The following SFXN5 variants were observed in gnomAD, a reference collection of about 807,000 sequenced individuals.
The protein encoded by SFXN5 is sideroflexin-5.
Under a neutral mutation model 50.2 loss-of-function variants are expected in SFXN5, and 43 were observed. The ratio of observed to expected loss-of-function variants is 0.86; its 90% CI spans 0.67 to 1.11. SFXN5 has a LOEUF of 1.11. SFXN5 is among the 50% of genes least tolerant of loss of function. The pLI is 0.00. For synonymous variants in SFXN5, 203 were observed against 185.8 expected, an observed-to-expected ratio of 1.09 and a Z score of -0.75; for missense variants, 463 against 454.1, an observed-to-expected ratio of 1.02 and a Z score of -0.18.
rs78551426 is a variant in SFXN5, at chr2:73,038,535, G to T, written c.249+2319C>A. On this transcript the variant is annotated intron_variant, in intron 3 of 13. Coordinates refer to ENST00000272433, the MANE Select transcript of SFXN5 (RefSeq NM_144579.3). The stretch of plus-strand genomic sequence containing the variant: ...GGTGTGTTACTCAGGAGGCTGAGGT[G>T]GGAGGAACACTTAAGCCTGAGAGTT... Among the ~76,000 whole-genome samples the T allele has an allele frequency of 4.3e-4, 65 of 152,242 alleles. 1 individual carries two copies. The East Asian group carries it at 0.012, about 28-fold the overall frequency.
At chr2:72,977,296 C>T (rs2105491859) in intron 10 of SFXN5, among the ~76,000 whole-genome samples, 1 of 152,256 alleles carries the variant, frequency 6.6e-6, no homozygotes, top group South Asian at 2.1e-4. Context: ...TTATTTAAAC[C>T]CTCAACAGTT....
chr2:73,064,422 T>C (rs897081792), intron 1 of SFXN5, among the ~76,000 whole-genome samples: 1 of 152,182 alleles, frequency 6.6e-6, no homozygotes. Flanking sequence ...CTGCCCAGTG[T>C]GACTCTTGGA....
intron 2 of SFXN5, chr2:73,041,685 C>A: frequency 2.6e-6 from 1 of 385,004 alleles, no homozygotes; most frequent in Non-Finnish European, 5.3e-6. Context: ...AAATAGAAAG[C>A]CTTTATAAGG....
At chr2:73,024,465 C>T (rs2105847148) in intron 3 of SFXN5, among the ~76,000 whole-genome samples, 1 of 152,256 alleles carries the variant, frequency 6.6e-6, no homozygotes, top group Admixed American at 6.5e-5. Context: ...CCACCCTGGG[C>T]AACAAAGGGA....
chr2:73,048,759 A>G (rs1291842497), intron 2 of SFXN5, among the ~76,000 whole-genome samples: 2 of 152,248 alleles, frequency 1.3e-5, no homozygotes, highest in African/African-American at 4.8e-5. Flanking sequence ...CATTGCAATT[A>G]ATATCCTTGT....
intron 5 of SFXN5, 126 bp downstream of exon 5, chr2:73,022,396 C>A: frequency 1.3e-6 from 1 of 742,490 alleles, no homozygotes; most frequent in Non-Finnish European, 2.4e-6. Flanking sequence ...TGTAGAGGTG[C>A]AAATATGGCC....
intron 2 of SFXN5, among the ~76,000 whole-genome samples, chr2:73,050,431 G>C (rs2105979059): frequency 9.2e-6 from 1 of 108,730 alleles, no homozygotes; most frequent in Admixed American, 8.9e-5. Context: ...CCCCTGCAGA[G>C]TTAGCACCAC....
chr2:73,066,394 C>T (rs1038278272), intron 1 of SFXN5, among the ~76,000 whole-genome samples: 1 of 151,776 alleles, frequency 6.6e-6, no homozygotes, highest in African/African-American at 2.4e-5. Flanking sequence ...CCCATCTCTA[C>T]TAAAAATACA....
chr2:72,949,966 G>A lies in SFXN5; in HGVS notation c.946-4867C>T, dbSNP rs562141227. The stretch of plus-strand genomic sequence containing the variant: ...GTGGTAGGCTCAGGATGGCCACATG[G>A]AGTCTGGGGTGCCAGTGGGTTCCCC... On this transcript the variant is annotated intron_variant, in intron 13 of 13. Coordinates refer to ENST00000272433, the MANE Select transcript of SFXN5 (RefSeq NM_144579.3). 3.1e-4 allele frequency among the ~76,000 whole-genome samples: 47 copies of A among 152,228 alleles called. No homozygotes were observed. The South Asian group carries it at 9.1e-3, about 30-fold the overall frequency.
At chr2:73,014,423 T>C (rs534063496) in intron 6 of SFXN5, among the ~76,000 whole-genome samples, 2 of 152,280 alleles carry the variant, frequency 1.3e-5, no homozygotes, top group East Asian at 3.9e-4. Flanking sequence ...ACTGACATAT[T>C]TGCTTATCAC....
chr2:73,068,520 C>T (rs1388264541), intron 1 of SFXN5, among the ~76,000 whole-genome samples: 2 of 152,110 alleles, frequency 1.3e-5, no homozygotes, highest in Admixed American at 6.5e-5. Flanking sequence ...TGTAAGATCC[C>T]TAAGGGACAA....
chr2:73,042,109 G>GA (rs1333925986), intron 2 of SFXN5, among the ~76,000 whole-genome samples: 3 of 151,852 alleles, frequency 2.0e-5, no homozygotes, highest in Non-Finnish European at 2.9e-5. Flanking sequence ...GGGAGAAAGA[G>GA]AAAAAAAGGA....
chr2:73,070,727 G>A (rs979906837), intron 1 of SFXN5: 1 of 152,232 alleles, frequency 6.6e-6, no homozygotes, highest in Non-Finnish European at 1.5e-5. Context: ...CGACGCCCCA[G>A]AGGAGGTCCC....
At position 72,961,419 on chromosome 2, in the gene SFXN5, C is replaced by G. The variant is rs1029880926; in HGVS notation, c.828-171G>C. Among the ~76,000 whole-genome samples the G allele has an allele frequency of 1.3e-5, 2 of 152,182 alleles. No homozygotes were observed. The highest frequency in any genetic ancestry group is 4.8e-5 in the African/African-American group (2 of 41,454). On this transcript the variant is annotated intron_variant, in intron 12 of 13. Coordinates refer to ENST00000272433, the MANE Select transcript of SFXN5 (RefSeq NM_144579.3). This position sits in a 1 kb window ranked among gnomAD's most constrained non-coding sequence, Gnocchi z 4.4. ...GAGTTCTGTCTTTGGGACCTTTTCC[C>G]GATAGGTACCCCTATCCCAGCGGGT... is the stretch of plus-strand genomic sequence containing the variant.
At position 72,976,106 on chromosome 2, in the gene SFXN5, T is replaced by C. The variant is rs532554253; in HGVS notation, c.626-4421A>G. ...AAACCCTGTAATTGGCATATGCACA[T>C]ATATGTGTGCATAAATCCACAGGTA... On this transcript the variant is annotated intron_variant, in intron 10 of 13. Transcript: ENST00000272433. 5.3e-5 allele frequency among the ~76,000 whole-genome samples: 8 copies of C among 152,322 alleles called. No individual in the cohort carries two copies. In the East Asian group the frequency reaches 5.8e-4, roughly 11 times the overall value.
intron 1 of SFXN5, among the ~76,000 whole-genome samples, chr2:73,063,976 T>G (rs147378027): frequency 3.6e-4 from 55 of 152,378 alleles, no homozygotes; most frequent in African/African-American, 1.3e-3. Context: ...CCCCTTTTTC[T>G]TTACTGGAAG....
chr2:73,001,682 A>G, intron 6 of SFXN5, 104 bp from the exon 7 acceptor site: 1 of 1,142,226 alleles, frequency 8.8e-7, no homozygotes, highest in East Asian at 2.4e-5. Context: ...GATCTGTACA[A>G]ACTGATGTGG....
At chr2:72,974,581 T>C (rs761715555) in intron 10 of SFXN5, among the ~76,000 whole-genome samples, 1 of 152,212 alleles carries the variant, frequency 6.6e-6, no homozygotes, top group Non-Finnish European at 1.5e-5. Flanking sequence ...CCTACACAGA[T>C]GGCACATGAC....
chr2:73,064,423 G>C (rs1422257926), intron 1 of SFXN5, among the ~76,000 whole-genome samples: 1 of 152,182 alleles, frequency 6.6e-6, no homozygotes, highest in Non-Finnish European at 1.5e-5. Context: ...TGCCCAGTGT[G>C]ACTCTTGGAA....
Sources: allele counts gnomAD v4.1 joint callset (sites outside exome capture counted in the v4.1 genomes callset), GRCh38; gene constraint gnomAD v4.1.1; non-coding constraint Gnocchi (gnomAD v3.1); transcripts MANE v1.5; gene names NCBI Gene and HGNC (gene_info 2026-07-23, HGNC 2026-07-21).